Variants in SLC39A6 observed in about 807,000 individuals in gnomAD.
SLC39A6 encodes solute carrier family 39 member 6.
SLC39A6 carries 51 observed loss-of-function variants against 63.5 expected under a neutral mutation model. The ratio of observed to expected loss-of-function variants is 0.80; its 90% confidence interval spans 0.64 to 1.01. The LOEUF (loss-of-function observed/expected upper bound fraction) is 1.01, where lower values mean the gene tolerates loss of function less well. Among genes scored for constraint, SLC39A6 ranks in the 50% least tolerant of loss-of-function variants. The pLI, the probability that SLC39A6 is intolerant of heterozygous loss-of-function variation, is 0.00. For synonymous variants in SLC39A6, 318 were observed against 324.7 expected, an observed-to-expected ratio of 0.98 and a Z score of 0.22; for missense variants, 805 against 927.8, an observed-to-expected ratio of 0.87 and a Z score of 1.72.
At chr18:36,120,492 A>G (rs2089384266) in intron 5 of SLC39A6, among the ~76,000 whole-genome samples, 1 of 152,246 alleles carries the variant, frequency 6.6e-6, no homozygotes, top group Admixed American at 6.5e-5. Flanking sequence ...CCTAGTATGT[A>G]AACACTCTCC....
chr18:36,122,141 C>T lies in SLC39A6; in HGVS notation c.1270G>A (p.Gly424Ser). The T allele has an allele frequency of 6.2e-7, 1 of 1,613,938 alleles. No homozygotes were observed. Among genetic ancestry groups the T allele is most frequent in the Non-Finnish European group, 8.5e-7 (1 of 1,179,900 alleles). Reference sequence around the variant, plus strand: ...TACAGGCCTCCTAGAGCTGTTAGACCCTTCCACGTGGAATCAAAATAGGCA... The same window carrying T: ...TACAGGCCTCCTAGAGCTGTTAGACTCTTCCACGTGGAATCAAAATAGGCA... ...ESAYFDSTWK[G>S]LTALGGLYFM... The change falls in exon 5 of 10, where the codon GGT becomes AGT. Residue 424 changes from glycine to serine, a missense_variant. By Grantham distance (56) the Gly-to-Ser change is moderately conservative. Around this residue, in one of 4 missense-constraint regions of SLC39A6, gnomAD observed 639 missense variants for 644.0 expected, o/e 0.99. Coordinates refer to ENST00000269187, the MANE Select transcript of SLC39A6 (RefSeq NM_012319.4).
chr18:36,110,990 A>G (rs2144496453), intron 9 of SLC39A6, 69 bp downstream of exon 9: 2 of 1,578,188 alleles, frequency 1.3e-6, no homozygotes, highest in East Asian at 4.5e-5. Flanking sequence ...AAAAAAAATG[A>G]GGCTTTACCG....
At chr18:36,116,821 GT>G (rs1391740082) in intron 5 of SLC39A6, 42 bp from the exon 6 acceptor site, 2 of 1,391,188 alleles carry the variant, frequency 1.4e-6, no homozygotes, top group Admixed American at 1.8e-5. Context: ...ACAGTAATTT[GT>G]TTATATGTAC....
chr18:36,109,359 A>G lies in SLC39A6; in HGVS notation c.*234T>C, dbSNP rs1390830510. ...ATGTCATGCCAAATCTCTTGTTTACATAATAAACTGGTAATACCGGTGAAT... is the reference window on the plus strand; with the variant it reads ...ATGTCATGCCAAATCTCTTGTTTACGTAATAAACTGGTAATACCGGTGAAT... On this transcript the variant is annotated 3_prime_UTR_variant, in exon 10 of 10. Coordinates refer to ENST00000269187, the MANE Select transcript of SLC39A6 (RefSeq NM_012319.4). 6.1e-6 allele frequency: 2 copies of G among 327,626 alleles called. No homozygotes were observed. The highest frequency in any genetic ancestry group is 4.3e-5 in the African/African-American group (2 of 46,706). The allele number at this position is 327,626 out of a possible 1,614,324, so 20.3% of individuals were successfully genotyped here.
intron 5 of SLC39A6, 93 bp from the exon 6 acceptor site, chr18:36,116,872 T>C: frequency 1.3e-6 from 1 of 779,944 alleles, no homozygotes; most frequent in Non-Finnish European, 2.1e-6. Context: ...ACACACAGAA[T>C]GCCCCCACAG....
intron 8 of SLC39A6, 102 bp from the exon 9 acceptor site, chr18:36,111,351 T>C: frequency 1.8e-6 from 2 of 1,110,122 alleles, no homozygotes; most frequent in South Asian, 1.6e-5. Context: ...CCAGTGTTTT[T>C]GAGAGGGGGA....
intron 5 of SLC39A6, among the ~76,000 whole-genome samples, chr18:36,117,616 T>C (rs1165460071): frequency 6.6e-6 from 1 of 152,224 alleles, no homozygotes; most frequent in Non-Finnish European, 1.5e-5. Flanking sequence ...AGTTATCACA[T>C]AAATAACAGA....
chr18:36,124,736 C>CA (rs768909929), intron 2 of SLC39A6, 36 bp from the exon 3 acceptor site: 2 of 1,480,544 alleles, frequency 1.4e-6, no homozygotes, highest in South Asian at 2.7e-5. Context: ...CACCAAAAGC[C>CA]ATCCCCATTA....
At position 36,126,716 on chromosome 18, in the gene SLC39A6, G is replaced by A. The variant is rs1879072595; in HGVS notation, c.292C>T (p.His98Tyr). 2 of 1,613,976 alleles carry A rather than the reference G, an allele frequency of 1.2e-6. No homozygotes were observed. Among genetic ancestry groups the A allele is most frequent in the East Asian group, 4.5e-5 (2 of 44,892 alleles). ...GAGTGATGCTCGTGGTCTGAGTGAT[G>A]GTCGTGGTCATGGTGTATATGGATT... ...KRIHIHHDHD[H>Y]HSDHEHHSDH... Residue 98 changes from histidine (H) to tyrosine (Y), a missense_variant, in exon 2 of 10, where the codon CAT (histidine) becomes TAT (tyrosine). Physicochemically the swap from His to Tyr is moderately conservative, Grantham distance 83. Coordinates refer to ENST00000269187, the MANE Select transcript of SLC39A6 (RefSeq NM_012319.4).
Position 36,126,991 on chromosome 18 carries a change from G to A in SLC39A6, c.17C>T (p.Ser6Phe). 1 of 1,610,884 alleles carries A rather than the reference G, an allele frequency of 6.2e-7. No individual in the cohort carries two copies. Among genetic ancestry groups the A allele is most frequent in the South Asian group, 1.1e-5 (1 of 90,934 alleles). The part of the protein sequence containing the change: MARKL[S>F]VILILTFALS... ...GGCAAAGGTCAGGATCAAGATTACA[G>A]ATAACTTCCTCGCCATTGCGCCTTC... The change falls in exon 2 of 10, where the codon TCT (serine) becomes TTT (phenylalanine). Residue 6 changes from serine (S) to phenylalanine (F), a missense_variant. Transcript: ENST00000269187.
rs1248011624 is a variant in SLC39A6 at position 36,126,666 on chromosome 18, A to G, written c.342T>C (p.His114=). 32 of 1,598,114 alleles carry G rather than the reference A, an allele frequency of 2.0e-5. No homozygotes were observed. Among genetic ancestry groups the G allele is most frequent in the South Asian group, 1.2e-4 (11 of 89,108 alleles). Residue 114 remains histidine, a synonymous_variant, in exon 2 of 10, where the codon CAT becomes CAC. Transcript: ENST00000269187. The part of the protein sequence containing the change: ...HHSDHERHSD[H]EHHSEHEHHS... ...GATGCTCGTGCTCTGAGTGATGCTC[A>G]TGGTCTGAGTGACGCTCATGGTCTG...
intron 7 of SLC39A6, among the ~76,000 whole-genome samples, chr18:36,113,501 T>TATAACACAGCACAGC (rs1335024772): frequency 5.3e-5 from 8 of 152,200 alleles, no homozygotes; most frequent in Non-Finnish European, 1.0e-4. Flanking sequence ...CAGGCCTAGC[T>TATAACACAGCACAGC]ATAACACAGC....
chr18:36,129,008 G>GTCCGCAGGATCCGGTTC (rs1313819305), intron 1 of SLC39A6, 106 bp downstream of exon 1: 15 of 152,536 alleles, frequency 9.8e-5, no homozygotes, highest in African/African-American at 3.4e-4. Context: ...CCCCTGCCCG[G>GTCCGCAGGATCCGGTTC]TCCGCAGGAT....
chr18:36,116,563 A>G, intron 6 of SLC39A6, 111 bp downstream of exon 6: 2 of 721,062 alleles, frequency 2.8e-6, no homozygotes, highest in Admixed American at 5.7e-5. Context: ...GAGATACTGC[A>G]AAAACCAAAA....
rs1331252464 is a variant in SLC39A6, at chr18:36,113,766, T to A, written c.1843+331A>T. Among the ~76,000 whole-genome samples the A allele has an allele frequency of 2.0e-5, 3 of 152,112 alleles. No individual in the cohort carries two copies. The East Asian group carries it at 5.8e-4, about 29-fold the overall frequency. On this transcript the variant is annotated intron_variant, in intron 7 of 9. Transcript: ENST00000269187. ...ACTTTTATAAATATTATATTATCGA[T>A]AAGGGAACTTCAATGTATAGGGAGA...
chr18:36,123,928 A>G (rs903171952), intron 3 of SLC39A6, among the ~76,000 whole-genome samples: 2 of 152,160 alleles, frequency 1.3e-5, no homozygotes, highest in Non-Finnish European at 2.9e-5. Flanking sequence ...GTCGGGGTGA[A>G]AGAGGAAAAA....
At chr18:36,119,981 T>C (rs1007352148) in intron 5 of SLC39A6, among the ~76,000 whole-genome samples, 1 of 152,182 alleles carries the variant, frequency 6.6e-6, no homozygotes, top group African/African-American at 2.4e-5. Context: ...AAATAAATTA[T>C]GACATTTTGA....
chr18:36,117,855 C>A (rs1467732764), intron 5 of SLC39A6, among the ~76,000 whole-genome samples: 1 of 152,056 alleles, frequency 6.6e-6, no homozygotes, highest in Admixed American at 6.6e-5. Context: ...CATGGTGAAA[C>A]CCCGTCTCTA....
chr18:36,123,285 T>G (rs1375262384), intron 4 of SLC39A6, among the ~76,000 whole-genome samples: 1 of 152,226 alleles, frequency 6.6e-6, no homozygotes, highest in Non-Finnish European at 1.5e-5. Context: ...AAAGTTAAAT[T>G]AGTCTGTGTT....
Sources: gnomAD v4.1 joint callset for allele counts (sites outside exome capture counted in the v4.1 genomes callset) on GRCh38, gnomAD v4.1.1 for gene constraint, gnomAD v4.1.1 regional missense constraint, MANE v1.5 for transcripts, NCBI Gene and HGNC (gene_info 2026-07-23, HGNC 2026-07-21) for gene names.